Variants in DLGAP2 observed in about 807,000 individuals in gnomAD.
DLGAP2 encodes the protein DLG associated protein 2.
In DLGAP2, 26 loss-of-function variants were observed where a neutral mutation model predicts 100.3. That is an observed-to-expected ratio of 0.26 (90% CI 0.19 to 0.36). The LOEUF (loss-of-function observed/expected upper bound fraction) is 0.36. Among genes scored for constraint, DLGAP2 ranks in the 10% least tolerant of loss-of-function variants. DLGAP2 has a pLI of 1.00. For synonymous variants in DLGAP2, 886 were observed against 630.1 expected, an observed-to-expected ratio of 1.41 and a Z score of -6.08; for missense variants, 1,858 against 1,453.2, an observed-to-expected ratio of 1.28 and a Z score of -4.53.
At chr8:1,567,029 G>A (rs1802432483) in intron 6 of DLGAP2, among the ~76,000 whole-genome samples, 1 of 152,210 alleles carries the variant, frequency 6.6e-6, no homozygotes, top group South Asian at 2.1e-4. Flanking sequence ...TGTGGGACGA[G>A]TGGCTGAGAA....
intron 4 of DLGAP2, among the ~76,000 whole-genome samples, chr8:1,529,489 G>A (rs1456014229): frequency 1.3e-5 from 2 of 152,006 alleles, no homozygotes; most frequent in Non-Finnish European, 2.9e-5. Context: ...GAGAGCTGAG[G>A]GTTGGAGTGT....
intron 3 of DLGAP2, among the ~76,000 whole-genome samples, chr8:1,362,233 C>T (rs551225621): frequency 6.6e-6 from 1 of 152,152 alleles, no homozygotes; most frequent in African/African-American, 2.4e-5. Context: ...TGGGTGGGAC[C>T]TGGTGTTCCC....
chr8:827,887 G>C (rs901505850), intron 1 of DLGAP2, among the ~76,000 whole-genome samples: 1 of 152,130 alleles, frequency 6.6e-6, no homozygotes, highest in Non-Finnish European at 1.5e-5. Flanking sequence ...AGAAATAAAA[G>C]GACAGAGTAC....
At chr8:1,374,110 T>C (rs1400744977) in intron 3 of DLGAP2, among the ~76,000 whole-genome samples, 2 of 148,816 alleles carry the variant, frequency 1.3e-5, no homozygotes, top group Non-Finnish European at 2.9e-5. Context: ...CAGAGGACTG[T>C]GTGGTGGAGG....
At chr8:1,071,631 G>C (rs1330354382) in intron 2 of DLGAP2, among the ~76,000 whole-genome samples, 7 of 152,072 alleles carry the variant, frequency 4.6e-5, no homozygotes, top group Admixed American at 4.6e-4. Flanking sequence ...GGTTCATTTA[G>C]TGATACCGAT....
chr8:1,519,134 G>T (rs1800500628), intron 4 of DLGAP2, among the ~76,000 whole-genome samples: 1 of 152,208 alleles, frequency 6.6e-6, no homozygotes, highest in African/African-American at 2.4e-5. Flanking sequence ...GTGCTAAGGT[G>T]TCAGAAGGGA....
intron 4 of DLGAP2, among the ~76,000 whole-genome samples, chr8:1,507,695 A>G (rs1434135750): frequency 6.7e-6 from 1 of 149,416 alleles, no homozygotes; most frequent in East Asian, 2.0e-4. Context: ...GCTTCTGTCT[A>G]GAAAGAAGGT....
chr8:1,298,165 A>G (rs151148089), intron 3 of DLGAP2, among the ~76,000 whole-genome samples: 152 of 151,796 alleles, frequency 1.0e-3, no homozygotes, highest in Non-Finnish European at 2.9e-4. Flanking sequence ...CGTGGCATGC[A>G]TGAACGGAGA....
chr8:1,279,914 C>T (rs1011247370), intron 3 of DLGAP2, among the ~76,000 whole-genome samples: 1 of 152,202 alleles, frequency 6.6e-6, no homozygotes, highest in African/African-American at 2.4e-5. Flanking sequence ...CATACACGTT[C>T]ACACACAGGC....
intron 2 of DLGAP2, among the ~76,000 whole-genome samples, chr8:1,076,320 C>T (rs1471592194): frequency 6.6e-6 from 1 of 152,262 alleles, no homozygotes; most frequent in East Asian, 1.9e-4. Flanking sequence ...ACGGCACTGA[C>T]ACAGACACTG....
intron 3 of DLGAP2, among the ~76,000 whole-genome samples, chr8:1,414,117 T>G (rs1226627357): frequency 1.3e-5 from 2 of 152,194 alleles, no homozygotes; most frequent in African/African-American, 4.8e-5. Flanking sequence ...AAGTCAGAGT[T>G]GCAGGCTGTT....
chr8:1,220,857 C>T (rs530496925), intron 2 of DLGAP2, among the ~76,000 whole-genome samples: 2 of 148,610 alleles, frequency 1.3e-5, no homozygotes, highest in South Asian at 4.3e-4. Flanking sequence ...TTATGTAATG[C>T]CTTTTTTGTC....
At chr8:1,027,997 C>G (rs1801859226) in intron 2 of DLGAP2, among the ~76,000 whole-genome samples, 2 of 146,428 alleles carry the variant, frequency 1.4e-5, no homozygotes, top group Non-Finnish European at 1.5e-5. Context: ...GCCCATTATT[C>G]TCCAGGAGCA....
At chr8:1,128,677 A>G (rs1563206309) in intron 2 of DLGAP2, among the ~76,000 whole-genome samples, 2 of 152,338 alleles carry the variant, frequency 1.3e-5, no homozygotes, top group East Asian at 3.9e-4. Context: ...GTTAAGAGAT[A>G]TGAGATTGAT....
chr8:1,201,899 T>C (rs1251824894), intron 2 of DLGAP2, among the ~76,000 whole-genome samples: 1 of 152,086 alleles, frequency 6.6e-6, no homozygotes, highest in Non-Finnish European at 1.5e-5. Context: ...GGTGTGTATG[T>C]ACATGTGTGC....
intron 6 of DLGAP2, among the ~76,000 whole-genome samples, chr8:1,602,244 G>A (rs1055202809): frequency 1.3e-5 from 2 of 152,200 alleles, no homozygotes; most frequent in Non-Finnish European, 2.9e-5. Flanking sequence ...AACAGTGTAA[G>A]ATAATGTTGT....
intron 6 of DLGAP2, among the ~76,000 whole-genome samples, chr8:1,574,782 A>G (rs541335690): frequency 6.6e-6 from 1 of 152,228 alleles, no homozygotes; most frequent in African/African-American, 2.4e-5. Flanking sequence ...ATATGGTTCA[A>G]CCTGATCATT....
At chr8:811,761 T>G (rs1483229592) in intron 1 of DLGAP2, among the ~76,000 whole-genome samples, 1 of 151,858 alleles carries the variant, frequency 6.6e-6, no homozygotes, top group East Asian at 1.9e-4. Context: ...CTGCCAGGGC[T>G]CCTGCCGTGG....
intron 3 of DLGAP2, among the ~76,000 whole-genome samples, chr8:1,451,610 C>A (rs1425933185): frequency 6.6e-6 from 1 of 152,138 alleles, no homozygotes; most frequent in Non-Finnish European, 1.5e-5. Context: ...ATGTCCCCTC[C>A]TGGCTTCCCT....
Sources: allele counts gnomAD v4.1 joint callset (sites outside exome capture counted in the v4.1 genomes callset), GRCh38; gene constraint gnomAD v4.1.1; transcripts MANE v1.5; gene names NCBI Gene and HGNC (gene_info 2026-07-23, HGNC 2026-07-21).